Variants in TRHDE observed in about 807,000 individuals in gnomAD.
TRHDE encodes thyrotropin releasing hormone degrading enzyme, also known as thyrotropin-releasing hormone-degrading ectoenzyme.
In TRHDE, 72 loss-of-function variants were observed where a neutral mutation model predicts 125.7. The observed-to-expected ratio is 0.57, with a 90% CI of 0.47 to 0.70. TRHDE has a LOEUF of 0.70. Among genes scored for constraint, TRHDE ranks in the 30% least tolerant of loss-of-function variants. The pLI is 0.00. For missense variants in TRHDE, 1,110 were observed against 1,327.1 expected (o/e 0.84, Z 2.54); for synonymous variants, 509 against 509.1 (o/e 1.00, Z 0.00).
intron 2 of TRHDE, among the ~76,000 whole-genome samples, chr12:72,352,018 A>G (rs1213535737): frequency 6.6e-6 from 1 of 151,990 alleles, no homozygotes; most frequent in East Asian, 1.9e-4. Context: ...AGATTATTTT[A>G]GTATAGACTC....
intron 6 of TRHDE, among the ~76,000 whole-genome samples, chr12:72,522,497 G>A (rs561526267): frequency 2.0e-4 from 30 of 152,110 alleles, no homozygotes; most frequent in Admixed American, 7.9e-4. Flanking sequence ...AAGTAGTCTT[G>A]CAAATTGAAT....
intron 2 of TRHDE, chr12:72,256,778 T>G (rs1448990540): frequency 6.6e-6 from 1 of 152,174 alleles, no homozygotes; most frequent in African/African-American, 2.4e-5. Flanking sequence ...ACACAGAATA[T>G]CTAAGGAGAG....
At chr12:72,659,104 C>A (rs1053859295) in intron 18 of TRHDE, among the ~76,000 whole-genome samples, 1 of 152,146 alleles carries the variant, frequency 6.6e-6, no homozygotes, top group Non-Finnish European at 1.5e-5. Flanking sequence ...AGGGAATCAG[C>A]ATCTTTATGA....
chr12:72,118,644 G>A (rs1180024407), intron 2 of TRHDE, among the ~76,000 whole-genome samples: 1 of 152,054 alleles, frequency 6.6e-6, no homozygotes, highest in Non-Finnish European at 1.5e-5. Context: ...CTTCTTTTAT[G>A]TTTGGTAAAA....
At chr12:72,595,601 A>C (rs1170277063) in intron 12 of TRHDE, among the ~76,000 whole-genome samples, 1 of 152,146 alleles carries the variant, frequency 6.6e-6, no homozygotes, top group African/African-American at 2.4e-5. Context: ...CTTTTTAAAA[A>C]TTTTAATTAA....
intron 6 of TRHDE, among the ~76,000 whole-genome samples, chr12:72,532,324 A>C (rs1462852871): frequency 6.6e-6 from 1 of 151,480 alleles, no homozygotes; most frequent in African/African-American, 2.4e-5. Flanking sequence ...ATACTCTTTT[A>C]TTGATTTTAT....
At chr12:72,603,657 G>A (rs553250813) in intron 12 of TRHDE, among the ~76,000 whole-genome samples, 3 of 152,172 alleles carry the variant, frequency 2.0e-5, no homozygotes, top group Non-Finnish European at 4.4e-5. Context: ...ACGGGGAGGC[G>A]GAGCTTGCAG....
chr12:72,306,528 T>C (rs1317157417), intron 2 of TRHDE: 4 of 152,338 alleles, frequency 2.6e-5, no homozygotes, highest in East Asian at 3.9e-4. Flanking sequence ...TTAGAGTAAG[T>C]AGACGTACAC....
chr12:72,644,229 C>T (rs1874185563), intron 15 of TRHDE, among the ~76,000 whole-genome samples: 1 of 152,130 alleles, frequency 6.6e-6, no homozygotes, highest in Non-Finnish European at 1.5e-5. Flanking sequence ...ATCTCTACTC[C>T]CTAGCACATA....
At chr12:72,528,039 A>G (rs1357211452) in intron 6 of TRHDE, among the ~76,000 whole-genome samples, 1 of 152,146 alleles carries the variant, frequency 6.6e-6, no homozygotes, top group Non-Finnish European at 1.5e-5. Context: ...TTTGCATGAT[A>G]AACCACATTT....
At chr12:72,125,286 G>A (rs867390400) in intron 2 of TRHDE, among the ~76,000 whole-genome samples, 1 of 152,088 alleles carries the variant, frequency 6.6e-6, no homozygotes, top group East Asian at 1.9e-4. Context: ...TGTGGTGCAA[G>A]AGGTTCCTTC....
intron 2 of TRHDE, among the ~76,000 whole-genome samples, chr12:72,135,027 A>G (rs556050766): frequency 6.6e-6 from 1 of 151,750 alleles, no homozygotes; most frequent in East Asian, 1.9e-4. Flanking sequence ...TATGCAAAAC[A>G]CTATTAAAAA....
intron 12 of TRHDE, among the ~76,000 whole-genome samples, chr12:72,583,249 C>G (rs1197708282): frequency 6.6e-6 from 1 of 152,134 alleles, no homozygotes; most frequent in African/African-American, 2.4e-5. Flanking sequence ...TATATGCTTC[C>G]ACTCTTCTGC....
intron 16 of TRHDE, 111 bp from the exon 17 acceptor site, chr12:72,652,905 C>G: frequency 1.3e-6 from 1 of 787,238 alleles, no homozygotes; most frequent in Non-Finnish European, 1.9e-6. Context: ...AAAGATTGCA[C>G]TAGACTATTC....
chr12:72,604,327 G>A (rs1305928600), intron 12 of TRHDE, among the ~76,000 whole-genome samples: 1 of 151,718 alleles, frequency 6.6e-6, no homozygotes, highest in East Asian at 1.9e-4. Flanking sequence ...TTTTTAAAGG[G>A]CATTTTAGTC....
chr12:72,454,024 T>A (rs1875715088), intron 3 of TRHDE, among the ~76,000 whole-genome samples: 1 of 152,322 alleles, frequency 6.6e-6, no homozygotes, highest in Non-Finnish European at 1.5e-5. Context: ...CTACCAGATA[T>A]TTTTGAGTAC....
chr12:72,163,017 T>G (rs956601494), intron 2 of TRHDE: 11 of 152,026 alleles, frequency 7.2e-5, no homozygotes, highest in African/African-American at 2.7e-4. Flanking sequence ...CTACAACTGT[T>G]CTCGAAAAAG....
In TRHDE at chr12:72,519,302, C is replaced by G. The variant is rs143201071; in HGVS notation, c.1722+19667C>G. Among the ~76,000 whole-genome samples, 1,505 of 152,298 alleles carry G rather than the reference C, an allele frequency of 9.9e-3. 27 individuals are homozygous for G. The highest frequency in any genetic ancestry group is 0.035 in the African/African-American group (1,437 of 41,558). ...GTCACCAATCAGATGTAGATTTGGT[C>G]TTTTCACATAGTCCCATATTTCTTG... On this transcript the variant is annotated intron_variant, in intron 6 of 18. Coordinates refer to ENST00000261180, the MANE Select transcript of TRHDE (RefSeq NM_013381.3).
At chr12:72,433,898 TC>T (rs2135846337) in intron 3 of TRHDE, among the ~76,000 whole-genome samples, 1 of 152,050 alleles carries the variant, frequency 6.6e-6, no homozygotes, top group African/African-American at 2.4e-5. Context: ...TGAGGAGAAT[TC>T]CTGGAAGCCT....
Sources: allele counts gnomAD v4.1 joint callset (sites outside exome capture counted in the v4.1 genomes callset), GRCh38; gene constraint gnomAD v4.1.1; transcripts MANE v1.5; gene names NCBI Gene and HGNC (gene_info 2026-07-23, HGNC 2026-07-21).